The following ASAP2 variants were observed in gnomAD, a reference collection of about 807,000 sequenced individuals.
ASAP2 encodes ArfGAP with SH3 domain, ankyrin repeat and PH domain 2.
ASAP2 carries 45 observed loss-of-function variants against 131.4 expected under a neutral mutation model. That is an observed-to-expected ratio of 0.34 (90% CI 0.27 to 0.44). The LOEUF is 0.44. Ranked by LOEUF, ASAP2 falls within the 20% of genes least tolerant of loss-of-function variation. The pLI is 1.00. For synonymous variants in ASAP2, 510 were observed against 503.0 expected, an observed-to-expected ratio of 1.01 and a Z score of -0.19; for missense variants, 1,011 against 1,297.0, an observed-to-expected ratio of 0.78 and a Z score of 3.39.
At chr2:9,396,746 A>C (rs939218127) in intron 24 of ASAP2, among the ~76,000 whole-genome samples, 4 of 152,250 alleles carry the variant, frequency 2.6e-5, no homozygotes, top group African/African-American at 9.6e-5. Context: ...TCACACCTAC[A>C]ATCCCAGCAC....
intron 1 of ASAP2, among the ~76,000 whole-genome samples, chr2:9,244,946 G>A (rs1664231095): frequency 1.3e-5 from 2 of 152,124 alleles, no homozygotes; most frequent in African/African-American, 2.4e-5. Context: ...TATTTGACAG[G>A]GTGACACGAT....
intron 1 of ASAP2, among the ~76,000 whole-genome samples, chr2:9,208,650 G>A (rs1309317805): frequency 6.6e-6 from 1 of 152,016 alleles, no homozygotes; most frequent in African/African-American, 2.4e-5. Context: ...CTATGAATTC[G>A]GTGATTCCCC....
chr2:9,346,223 C>T (rs114410789), intron 11 of ASAP2, among the ~76,000 whole-genome samples: 6,435 of 151,944 alleles, frequency 0.042, 366 homozygotes, highest in African/African-American at 0.12. Flanking sequence ...AGGTCAGGTT[C>T]GAGGCCAGCC....
Position 9,403,332 on chromosome 2 carries a change from C to T in ASAP2, c.*5C>T. ...GTGCACTTTATCGCTGACTGAATTG[C>T]TACTGAACAAAAGCATTAACAGTTA... On this transcript the variant is annotated 3_prime_UTR_variant, in exon 28 of 28. Transcript: ENST00000281419. 1.2e-6 allele frequency: 2 copies of T among 1,613,502 alleles called. No individual in the cohort carries two copies. The highest frequency in any genetic ancestry group is 1.7e-6 in the Non-Finnish European group (2 of 1,179,524).
intron 1 of ASAP2, among the ~76,000 whole-genome samples, chr2:9,237,304 C>G (rs1302394385): frequency 1.3e-5 from 2 of 152,074 alleles, no homozygotes; most frequent in Admixed American, 1.3e-4. Context: ...TAGGACATTT[C>G]TCATTTACAT....
At chr2:9,284,403 A>G (rs1667335817) in intron 2 of ASAP2, among the ~76,000 whole-genome samples, 1 of 152,202 alleles carries the variant, frequency 6.6e-6, no homozygotes, top group South Asian at 2.1e-4. Flanking sequence ...GAAGCCCTTG[A>G]GGTGAAAGAC....
intron 25 of ASAP2, 22 bp from the exon 26 acceptor site, chr2:9,400,720 C>T (rs10204214): frequency 0.12 from 193,551 of 1,591,028 alleles, 17,185 homozygotes; most frequent in African/African-American, 0.47. Flanking sequence ...ATGTCTTAAG[C>T]TGCTTCATTT....
intron 11 of ASAP2, among the ~76,000 whole-genome samples, chr2:9,348,313 C>T (rs1041072581): frequency 1.0e-4 from 15 of 148,516 alleles, no homozygotes; most frequent in Admixed American, 4.0e-4. Context: ...GACTAAAAAT[C>T]TCTACTAAAT....
intron 20 of ASAP2, 70 bp from the exon 21 acceptor site, chr2:9,385,175 C>A: frequency 8.1e-7 from 1 of 1,238,398 alleles, no homozygotes; most frequent in Non-Finnish European, 1.2e-6. Flanking sequence ...CCTGCCTGCA[C>A]ACTTCAGTGG....
chr2:9,330,288 T>A (rs949644438), intron 7 of ASAP2, among the ~76,000 whole-genome samples: 3 of 152,034 alleles, frequency 2.0e-5, no homozygotes, highest in African/African-American at 7.2e-5. Flanking sequence ...GAACTGAAAG[T>A]CATTATCTTA....
In ASAP2 at chr2:9,217,648, T is replaced by C. The variant is rs1325843648; in HGVS notation, c.126+10418T>C. Among the ~76,000 whole-genome samples the C allele has an allele frequency of 1.3e-5, 2 of 151,604 alleles. No homozygotes were observed. The highest frequency in any genetic ancestry group is 2.9e-5 in the Non-Finnish European group (2 of 67,918). ...TTTTTTTTTGAGACGGAGTCTTCGC[T>C]CTGCCACCCAGGCTGGAGTGCGGTG... On this transcript the variant is annotated intron_variant, in intron 1 of 27. Transcript: ENST00000281419. This position sits in a 1 kb window ranked among gnomAD's most constrained non-coding sequence, Gnocchi z 4.0.
Position 9,344,650 on chromosome 2 carries a change from G to A in ASAP2, c.953+15G>A, listed in dbSNP as rs1572506890. ...AAGAGTGACGGGTACGTGAGGGGGT[G>A]TGGCTAGAGTTTAAATGTACGTTCG... On this transcript the variant is annotated intron_variant, in intron 10 of 27. Coordinates refer to ENST00000281419, the MANE Select transcript of ASAP2 (RefSeq NM_003887.3). 1.2e-6 allele frequency: 2 copies of A among 1,613,370 alleles called. No individual in the cohort carries two copies. The highest frequency in any genetic ancestry group is 4.5e-5 in the East Asian group (2 of 44,880).
intron 12 of ASAP2, among the ~76,000 whole-genome samples, chr2:9,355,243 C>T (rs1672619714): frequency 1.3e-5 from 2 of 152,186 alleles, no homozygotes; most frequent in South Asian, 4.1e-4. Flanking sequence ...CCCCATGTTA[C>T]ATTTAGTTGT....
chr2:9,334,993 T>C (rs1233323148), intron 8 of ASAP2, 100 bp from the exon 9 acceptor site: 3 of 1,383,946 alleles, frequency 2.2e-6, no homozygotes, highest in East Asian at 2.4e-5. Context: ...AGGGAGGCAG[T>C]TGTCGCATTG....
intron 1 of ASAP2, among the ~76,000 whole-genome samples, chr2:9,210,586 G>A (rs1359737722): frequency 6.6e-6 from 1 of 151,116 alleles, no homozygotes; most frequent in Non-Finnish European, 1.5e-5. Flanking sequence ...ATGGAGTCTC[G>A]CTCTGTCGCC....
chr2:9,373,355 C>T (rs939091460), intron 16 of ASAP2, among the ~76,000 whole-genome samples: 3 of 152,230 alleles, frequency 2.0e-5, no homozygotes, highest in South Asian at 2.1e-4. Flanking sequence ...CACGCTGCGG[C>T]GTGTCCAGGA....
Position 9,404,528 on chromosome 2 carries a change from G to A in ASAP2, c.*1201G>A, listed in dbSNP as rs149243909. 2.0e-5 allele frequency: 3 copies of A among 152,396 alleles called. No individual in the cohort carries two copies. In the East Asian group the frequency reaches 5.8e-4, roughly 29 times the overall value. The allele number at this position is 152,396 out of a possible 1,614,324, so 9.4% of individuals were successfully genotyped here. On this transcript the variant is annotated 3_prime_UTR_variant, in exon 28 of 28. Coordinates refer to ENST00000281419, the MANE Select transcript of ASAP2 (RefSeq NM_003887.3). ...ACTGTCATACCTCTATTTAGTAATTGCGAGGGTAAGATTCATAGTAGGAAT... is the reference window on the plus strand; with the variant it reads ...ACTGTCATACCTCTATTTAGTAATTACGAGGGTAAGATTCATAGTAGGAAT...
chr2:9,347,342 A>G (rs1672034495), intron 11 of ASAP2, among the ~76,000 whole-genome samples: 1 of 152,142 alleles, frequency 6.6e-6, no homozygotes, highest in South Asian at 2.1e-4. Flanking sequence ...GAATTGAGAG[A>G]TGCCCTTTTG....
At chr2:9,279,425 G>A in intron 2 of ASAP2, 36 bp downstream of exon 2, 1 of 1,593,990 alleles carries the variant, frequency 6.3e-7, no homozygotes, top group Non-Finnish European at 8.6e-7. Context: ...TTTCTGTGTG[G>A]AAAATGTCGC....
Sources: gnomAD v4.1 joint callset for allele counts (sites outside exome capture counted in the v4.1 genomes callset) on GRCh38, gnomAD v4.1.1 for gene constraint, Gnocchi (gnomAD v3.1) non-coding constraint, MANE v1.5 for transcripts, NCBI Gene and HGNC (gene_info 2026-07-23, HGNC 2026-07-21) for gene names.